The following ARHGAP23 variants were observed in gnomAD, a reference collection of about 807,000 sequenced individuals.
ARHGAP23 encodes Rho GTPase activating protein 23.
In ARHGAP23, 34 loss-of-function variants were observed where a neutral mutation model predicts 136.3. The ratio of observed to expected loss-of-function variants is 0.25; its 90% CI spans 0.19 to 0.33. The LOEUF is 0.33. ARHGAP23 is among the 10% of genes least tolerant of loss of function. The probability of loss-of-function intolerance (pLI) is 1.00; values close to 1 mark genes in which losing one functional copy is unlikely to be tolerated. For synonymous variants in ARHGAP23, 832 were observed against 920.5 expected, an observed-to-expected ratio of 0.90 and a Z score of 1.74; for missense variants, 1,808 against 2,139.0, an observed-to-expected ratio of 0.85 and a Z score of 3.05.
In ARHGAP23 at chr17:38,500,577, T is replaced by C. The variant is rs181093917; in HGVS notation, c.3416-20T>C. 1.3e-5 allele frequency: 20 copies of C among 1,548,896 alleles called. No individual in the cohort carries two copies. In the Admixed American group the frequency reaches 3.5e-4, roughly 27 times the overall value. On this transcript the variant is annotated intron_variant, in intron 22 of 23. Coordinates refer to ENST00000622683, the MANE Select transcript of ARHGAP23 (RefSeq NM_001199417.2). ...TTTCCTGATGCAACTTTCATTTTTT[T>C]TTCTGTCTTTCACCAACAGATTCTA...
At chr17:38,490,287 C>G in intron 18 of ARHGAP23, 112 bp downstream of exon 18, 1 of 1,216,730 alleles carries the variant, frequency 8.2e-7, no homozygotes, top group Non-Finnish European at 1.2e-6. Flanking sequence ...CTTGGAGAAG[C>G]CCCGCTCCAC....
intron 1 of ARHGAP23, among the ~76,000 whole-genome samples, chr17:38,447,437 G>GAAAAAAAAAAAAAAAAAAA (rs71138625): frequency 1.6e-4 from 4 of 25,644 alleles, no homozygotes; most frequent in Non-Finnish European, 2.9e-4. Flanking sequence ...GACTCCGTCT[G>GAAAAAAAAAAAAAAAAAAA]AAAAAAAAAA....
chr17:38,438,321 CAAAAAA>C lies in ARHGAP23; in HGVS notation c.63+9788_63+9793del, dbSNP rs34412310. On this transcript the variant is annotated intron_variant, in intron 1 of 23. Transcript: ENST00000622683. Reference sequence around the variant, plus strand: ...CTGGTGACAGAGTGAGACTCCGTCTCAAAAAAAAAAAAAAAAAAAAGATGTTTGTTG... The same window carrying C: ...CTGGTGACAGAGTGAGACTCCGTCTCAAAAAAAAAAAAAAGATGTTTGTTG... 2.6e-5 allele frequency among the ~76,000 whole-genome samples: 3 copies of C among 115,956 alleles called. 1 individual carries two copies. The South Asian group carries it at 8.5e-4, about 33-fold the overall frequency. The allele number at this position is 115,956 out of a possible 152,430, so 76.1% of individuals were successfully genotyped here. A position where few individuals can be genotyped will look rare whatever the true frequency, so the allele number is the denominator to read the frequency against.
At chr17:38,448,080 C>G (rs751355259) in intron 1 of ARHGAP23, among the ~76,000 whole-genome samples, 22 of 152,312 alleles carry the variant, frequency 1.4e-4, no homozygotes, top group Non-Finnish European at 2.8e-4. Context: ...TTGCCCACCC[C>G]TTCCCTACTC....
Position 38,469,918 on chromosome 17 carries a change from G to A in ARHGAP23, c.1974+14G>A. The A allele has an allele frequency of 6.4e-7, 1 of 1,551,572 alleles. No homozygotes were observed. The highest frequency in any genetic ancestry group is 1.2e-5 in the South Asian group (1 of 84,064). On this transcript the variant is annotated intron_variant, in intron 10 of 23. Transcript: ENST00000622683. The stretch of plus-strand genomic sequence containing the variant: ...TTCACCGACGGGGTGAGAGCTGCAA[G>A]TGTGTGTGCGTGCGCAGGAGCGAGG...
intron 1 of ARHGAP23, among the ~76,000 whole-genome samples, chr17:38,456,643 T>C (rs990960276): frequency 6.6e-6 from 1 of 152,176 alleles, no homozygotes. Context: ...CCTCTTGGCT[T>C]TTCAAAGCCA....
At chr17:38,469,927 C>T (rs376454137) in intron 10 of ARHGAP23, 23 bp downstream of exon 10, 90 of 1,551,240 alleles carry the variant, frequency 5.8e-5, no homozygotes, top group East Asian at 3.4e-4. Flanking sequence ...AGTGTGTGTG[C>T]GTGCGCAGGA....
Position 38,511,215 on chromosome 17 carries a change from C to A in ARHGAP23, c.*243C>A. The A allele has an allele frequency of 2.1e-6, 1 of 473,052 alleles. No individual in the cohort carries two copies. Among genetic ancestry groups the A allele is most frequent in the Non-Finnish European group, 3.6e-6 (1 of 275,554 alleles). The allele number at this position is 473,052 out of a possible 1,614,324, so 29.3% of individuals were successfully genotyped here. A position where few individuals can be genotyped will look rare whatever the true frequency, so the allele number is the denominator to read the frequency against. Reference sequence around the variant, plus strand: ...TGAGCAGAAGAGGAGGGGGCGTGGGCTGCTGGGGTCTGTGTCCCTGCACAC... The same window carrying A: ...TGAGCAGAAGAGGAGGGGGCGTGGGATGCTGGGGTCTGTGTCCCTGCACAC... On this transcript the variant is annotated 3_prime_UTR_variant, in exon 24 of 24. Coordinates refer to ENST00000622683, the MANE Select transcript of ARHGAP23 (RefSeq NM_001199417.2).
intron 1 of ARHGAP23, among the ~76,000 whole-genome samples, chr17:38,431,833 G>A (rs901248590): frequency 5.9e-5 from 9 of 152,198 alleles, no homozygotes; most frequent in African/African-American, 2.2e-4. Flanking sequence ...CTGACTCCCA[G>A]CTCCCAGGCC....
In ARHGAP23 at chr17:38,490,542, G is replaced by T. The variant is rs781216480; in HGVS notation, c.3141G>T (p.Glu1047Asp). The change falls in exon 19 of 24, where the codon GAG (glutamate) becomes GAT (aspartate). Residue 1047 changes from glutamate to aspartate, a missense_variant. Physicochemically the swap from Glu to Asp is conservative, Grantham distance 45. This residue lies in a region of ARHGAP23 where 105 missense variants were observed against 200.6 expected (regional missense o/e 0.52). Coordinates refer to ENST00000622683, the MANE Select transcript of ARHGAP23 (RefSeq NM_001199417.2). ...GHLKTIADHS[E>D]KNKMEPRNLA... ...TCAAGACCATCGCTGACCACTCTGA[G>T]AAAAACAAGGTGGGTAGGAGTCCCG... is the stretch of plus-strand genomic sequence containing the variant. 13 of 1,544,436 alleles carry T rather than the reference G, an allele frequency of 8.4e-6. No homozygotes were observed. The highest frequency in any genetic ancestry group is 4.4e-6 in the Non-Finnish European group (5 of 1,142,316).
intron 20 of ARHGAP23, 79 bp downstream of exon 20, chr17:38,491,611 G>A (rs1169513521): frequency 1.8e-5 from 28 of 1,531,246 alleles, no homozygotes; most frequent in African/African-American, 4.1e-5. Flanking sequence ...CTCTTGCTCC[G>A]CCTGGCGGAG....
chr17:38,497,683 G>C lies in ARHGAP23; in HGVS notation c.3277-102G>C, dbSNP rs1597841935. 3 of 1,232,546 alleles carry C rather than the reference G, an allele frequency of 2.4e-6. No homozygotes were observed. The East Asian group carries it at 7.6e-5, about 31-fold the overall frequency. 76.4% of individuals were successfully genotyped at this position (1,232,546 alleles called of 1,614,324 possible). On this transcript the variant is annotated intron_variant, in intron 20 of 23. Coordinates refer to ENST00000622683, the MANE Select transcript of ARHGAP23 (RefSeq NM_001199417.2). ...CGCCAGCCTGGGGTTTGTTGAGAGA[G>C]AGGCGCCCCTTGCCGCCTGAGCGGG... is the stretch of plus-strand genomic sequence containing the variant.
At chr17:38,430,522 G>A (rs148225949) in intron 1 of ARHGAP23, among the ~76,000 whole-genome samples, 267 of 152,306 alleles carry the variant, frequency 1.8e-3, no homozygotes, top group African/African-American at 6.3e-3. Flanking sequence ...GCAGGAGTGG[G>A]TAGTGGATTG....
chr17:38,471,611 T>C (rs1288571399), intron 10 of ARHGAP23, among the ~76,000 whole-genome samples: 2 of 152,368 alleles, frequency 1.3e-5, no homozygotes, highest in Non-Finnish European at 1.5e-5. Flanking sequence ...TTGGCTCCTG[T>C]AGTGTGGTGA....
intron 23 of ARHGAP23, among the ~76,000 whole-genome samples, chr17:38,501,706 C>T (rs2040525312): frequency 6.6e-6 from 1 of 151,942 alleles, no homozygotes; most frequent in Admixed American, 6.6e-5. Context: ...CCAAAACTCA[C>T]TTAAGAAAAA....
At chr17:38,466,036 C>T (rs2039582767) in intron 6 of ARHGAP23, 131 bp from the exon 7 acceptor site, 1 of 669,400 alleles carries the variant, frequency 1.5e-6, no homozygotes, top group Non-Finnish European at 2.3e-6. Flanking sequence ...TATGCCTCTC[C>T]CTCGTTCCCC....
At chr17:38,497,601 C>T (rs995177127) in intron 20 of ARHGAP23, among the ~76,000 whole-genome samples, 184 bp from the exon 21 acceptor site, 2 of 152,206 alleles carry the variant, frequency 1.3e-5, no homozygotes, top group Non-Finnish European at 2.9e-5. Context: ...TTTTCATAGT[C>T]TGTGGAGTCA....
chr17:38,498,862 CCT>C, intron 22 of ARHGAP23: 6 of 695,318 alleles, frequency 8.6e-6, no homozygotes, highest in Non-Finnish European at 1.6e-5. Context: ...TGCACCCCCG[CCT>C]CTCCCTCCTC....
chr17:38,466,411 C>G lies in ARHGAP23; in HGVS notation c.728C>G (p.Ser243Cys). 6.5e-7 allele frequency: 1 copy of G among 1,531,340 alleles called. No homozygotes were observed. Among genetic ancestry groups the G allele is most frequent in the South Asian group, 1.2e-5 (1 of 83,142 alleles). The allele number at this position is 1,531,340 out of a possible 1,614,324, so 94.9% of individuals were successfully genotyped here. A position where few individuals can be genotyped will look rare whatever the true frequency, so the allele number is the denominator to read the frequency against. ...PPAARAHLDN[S>C]SLGMSQPRPS... ...GCTGCCCGTGCCCACCTGGACAACT[C>G]TTCCTTGGGGATGAGCCAGCCCCGC... Residue 243 changes from serine to cysteine, a missense_variant, in exon 7 of 24, where the codon TCT becomes TGT. Transcript: ENST00000622683.
Sources: gnomAD v4.1 joint callset for allele counts (sites outside exome capture counted in the v4.1 genomes callset) on GRCh38, gnomAD v4.1.1 for gene constraint, gnomAD v4.1.1 regional missense constraint, MANE v1.5 for transcripts, NCBI Gene and HGNC (gene_info 2026-07-23, HGNC 2026-07-21) for gene names.